RCC2: variants seen among roughly 807,000 people sequenced by gnomAD.
RCC2 encodes the protein protein RCC2.
Under a neutral mutation model 64.1 loss-of-function variants are expected in RCC2, and 19 were observed. The observed-to-expected ratio is 0.30, with a 90% CI of 0.21 to 0.44. The LOEUF is 0.44. RCC2 is among the 20% of genes least tolerant of loss of function. The pLI, the probability that RCC2 is intolerant of heterozygous loss-of-function variation, is 1.00. For synonymous variants in RCC2, 325 were observed against 279.6 expected (o/e 1.16, Z -1.62); for missense variants, 508 against 710.4 (o/e 0.72, Z 3.24).
At chr1:17,412,899 C>T (rs774452132) in intron 10 of RCC2, among the ~76,000 whole-genome samples, 174 bp downstream of exon 10, 38 of 152,200 alleles carry the variant, frequency 2.5e-4, no homozygotes, top group Non-Finnish European at 4.9e-4. Context: ...GCAAATGGGC[C>T]CTCTCCCCTC....
Position 17,439,617 on chromosome 1 carries a change from T to C in RCC2, c.-81A>G, listed in dbSNP as rs1030338591. 2 of 149,746 alleles carry C rather than the reference T, an allele frequency of 1.3e-5. No homozygotes were observed. The highest frequency in any genetic ancestry group is 4.9e-5 in the African/African-American group (2 of 41,122). The allele number at this position is 149,746 out of a possible 1,614,324, so 9.3% of individuals were successfully genotyped here. ...CTAAAAGACGGATCGGAGGGCTTTT[T>C]TTTTTCCGGCCCAGACGAGGGCTCC... On this transcript the variant is annotated 5_prime_UTR_variant, in exon 1 of 13. Transcript: ENST00000375436.
chr1:17,432,503 C>T (rs1266852363), intron 2 of RCC2, among the ~76,000 whole-genome samples: 2 of 152,176 alleles, frequency 1.3e-5, no homozygotes, highest in African/African-American at 2.4e-5. Context: ...ACCAGGCAGG[C>T]GGAGGTTCAT....
intron 7 of RCC2, among the ~76,000 whole-genome samples, chr1:17,418,573 C>T (rs953143647): frequency 7.2e-5 from 11 of 152,208 alleles, no homozygotes; most frequent in African/African-American, 2.6e-4. Context: ...AGGAGAATCG[C>T]TTGAACCCGG....
At chr1:17,431,825 C>A (rs1256848715) in intron 2 of RCC2, among the ~76,000 whole-genome samples, 1 of 151,876 alleles carries the variant, frequency 6.6e-6, no homozygotes, top group Non-Finnish European at 1.5e-5. Context: ...AGGCCAGCCG[C>A]GGTAGCTCAT....
chr1:17,407,621 T>A lies in RCC2; in HGVS notation c.*1469A>T, dbSNP rs1223119478. ...GGCAGGAGTCACGGTAAGGAGCGACTGGGGTGGAAAATAGGGAAAAAAGCA... is the reference window on the plus strand; with the variant it reads ...GGCAGGAGTCACGGTAAGGAGCGACAGGGGTGGAAAATAGGGAAAAAAGCA... On this transcript the variant is annotated 3_prime_UTR_variant, in exon 13 of 13. Coordinates refer to ENST00000375436, the MANE Select transcript of RCC2 (RefSeq NM_018715.4). 6.6e-6 allele frequency: 1 copy of A among 152,596 alleles called. No homozygotes were observed. Among genetic ancestry groups the A allele is most frequent in the Admixed American group, 6.5e-5 (1 of 15,274 alleles). The allele number at this position is 152,596 out of a possible 1,614,324, so 9.5% of individuals were successfully genotyped here.
At chr1:17,430,353 T>C (rs537169671) in intron 2 of RCC2, among the ~76,000 whole-genome samples, 5 of 147,964 alleles carry the variant, frequency 3.4e-5, no homozygotes, top group South Asian at 4.2e-4. Flanking sequence ...CTACAGAAAA[T>C]AGAAAAATGA....
At position 17,439,653 on chromosome 1, in the gene RCC2, C is replaced by G. The variant is rs1222256153; in HGVS notation, c.-117G>C. 6.7e-6 allele frequency: 1 copy of G among 149,660 alleles called. No homozygotes were observed. Among genetic ancestry groups the G allele is most frequent in the Admixed American group, 6.6e-5 (1 of 15,112 alleles). The allele number at this position is 149,660 out of a possible 1,614,324, so 9.3% of individuals were successfully genotyped here. The stretch of plus-strand genomic sequence containing the variant: ...CCAGACGAGGGCTCCAGCCCACTCA[C>G]CAGATACACTTAAAATGTAAATACG... On this transcript the variant is annotated 5_prime_UTR_variant, in exon 1 of 13. Coordinates refer to ENST00000375436, the MANE Select transcript of RCC2 (RefSeq NM_018715.4).
chr1:17,435,704 A>G lies in RCC2; in HGVS notation c.285+2526T>C, dbSNP rs537133545. On this transcript the variant is annotated intron_variant, in intron 2 of 12. Coordinates refer to ENST00000375436, the MANE Select transcript of RCC2 (RefSeq NM_018715.4). ...GGCCAAGGTGGGTGGACCACCTGAG[A>G]TCAGGAGTTCGAGACCAGCCTGGCC... Among the ~76,000 whole-genome samples the G allele has an allele frequency of 7.7e-4, 118 of 152,298 alleles. 1 individual carries two copies. The highest frequency in any genetic ancestry group is 2.7e-3 in the African/African-American group (114 of 41,582).
In RCC2 at chr1:17,419,807, C is replaced by T. The variant is rs888080959; in HGVS notation, c.859+907G>A. On this transcript the variant is annotated intron_variant, in intron 7 of 12. Transcript: ENST00000375436. ...CTGGGCACCGCAGCAGGGCTGTGGCCATGGAAACCGCTCTCCAACTGTCTC... is the reference window on the plus strand; with the variant it reads ...CTGGGCACCGCAGCAGGGCTGTGGCTATGGAAACCGCTCTCCAACTGTCTC... Among the ~76,000 whole-genome samples the T allele has an allele frequency of 2.8e-4, 42 of 152,306 alleles. 1 individual carries two copies. The highest frequency in any genetic ancestry group is 8.2e-4 in the African/African-American group (34 of 41,566).
rs941261614 is a variant in RCC2, at chr1:17,425,584, T to G, written c.480A>C (p.Ala160=). ...CTTCCGTGGTGATGAGGAGGCTGTG[T>G]GCAGCACACGAGCCCGAGACCACTG... ...VRTVVSGSCA[A]HSLLITTEGK... is the part of the protein sequence containing the mutation. The change falls in exon 4 of 13, where the codon GCA becomes GCC. Residue 160 remains alanine, a synonymous_variant. Transcript: ENST00000375436. 6.2e-7 allele frequency: 1 copy of G among 1,613,956 alleles called. No homozygotes were observed. The highest frequency in any genetic ancestry group is 8.5e-7 in the Non-Finnish European group (1 of 1,179,922).
intron 7 of RCC2, among the ~76,000 whole-genome samples, chr1:17,419,660 G>C (rs982630076): frequency 2.6e-5 from 4 of 152,218 alleles, no homozygotes; most frequent in South Asian, 2.1e-4. Context: ...ACTGCTCCAT[G>C]AAAGTGAGCC....
At chr1:17,419,908 G>T (rs534869444) in intron 7 of RCC2, among the ~76,000 whole-genome samples, 45 of 152,346 alleles carry the variant, frequency 3.0e-4, no homozygotes, top group Admixed American at 7.8e-4. Flanking sequence ...CTTCTGACTT[G>T]AAGTATATTT....
At chr1:17,416,285 C>A (rs560665155) in intron 8 of RCC2, among the ~76,000 whole-genome samples, 195 bp downstream of exon 8, 37 of 152,212 alleles carry the variant, frequency 2.4e-4, no homozygotes, top group Admixed American at 6.5e-4. Flanking sequence ...GAGAAGTTAA[C>A]ATAGGAGGCA....
chr1:17,408,151 G>C lies in RCC2; in HGVS notation c.*939C>G, dbSNP rs114031304. 719 of 152,552 alleles carry C rather than the reference G, an allele frequency of 4.7e-3. 4 individuals are homozygous for C. Among genetic ancestry groups the C allele is most frequent in the Non-Finnish European group, 7.1e-3 (484 of 68,238 alleles). 9.4% of individuals were successfully genotyped at this position (152,552 alleles called of 1,614,324 possible). A position where few individuals can be genotyped will look rare whatever the true frequency, so the allele number is the denominator to read the frequency against. On this transcript the variant is annotated 3_prime_UTR_variant, in exon 13 of 13. Coordinates refer to ENST00000375436, the MANE Select transcript of RCC2 (RefSeq NM_018715.4). ...CCCGCGCGAGGCAGGATCCAGGCGG[G>C]GGGGAGAAAAAGAGACCAAAGCACA...
At chr1:17,436,217 T>C (rs566817775) in intron 2 of RCC2, among the ~76,000 whole-genome samples, 12 of 152,288 alleles carry the variant, frequency 7.9e-5, no homozygotes, top group African/African-American at 1.7e-4. Flanking sequence ...CTTACAAACA[T>C]GCAACCCAAC....
rs1434544407 is a variant in RCC2 at position 17,406,836 on chromosome 1, T to TA, written c.*2253dup. ...TATATAAAAAAAATAATAAGACAAT[T>TA]ACAGCACTAAACCAGGCACCTTCGA... On this transcript the variant is annotated 3_prime_UTR_variant, in exon 13 of 13. Coordinates refer to ENST00000375436, the MANE Select transcript of RCC2 (RefSeq NM_018715.4). The TA allele has an allele frequency of 1.3e-4, 20 of 152,200 alleles. No homozygotes were observed. The highest frequency in any genetic ancestry group is 4.8e-4 in the African/African-American group (20 of 41,452). 9.4% of individuals were successfully genotyped at this position (152,200 alleles called of 1,614,324 possible).
intron 3 of RCC2, among the ~76,000 whole-genome samples, chr1:17,427,618 G>GAGTAT: frequency 6.6e-6 from 1 of 152,254 alleles, no homozygotes; most frequent in African/African-American, 2.4e-5. Flanking sequence ...ACCCTGTGCC[G>GAGTAT]CAACACAGGA....
At position 17,409,066 on chromosome 1, in the gene RCC2, G is replaced by C. The variant is rs1364804787; in HGVS notation, c.*24C>G. 2.0e-6 allele frequency: 3 copies of C among 1,484,514 alleles called. No individual in the cohort carries two copies. Among genetic ancestry groups the C allele is most frequent in the Non-Finnish European group, 2.8e-6 (3 of 1,061,760 alleles). The allele number at this position is 1,484,514 out of a possible 1,614,324, so 92.0% of individuals were successfully genotyped here. ...AATGACAGCTGCCGCGAGAGGTGTG[G>C]AGTCGGAGGAGTCTCCGGGAGCATC... On this transcript the variant is annotated 3_prime_UTR_variant, in exon 13 of 13. Transcript: ENST00000375436.
chr1:17,409,885 C>G, intron 12 of RCC2, 89 bp downstream of exon 12: 1 of 1,172,148 alleles, frequency 8.5e-7, no homozygotes, highest in South Asian at 1.2e-5. Flanking sequence ...CAAGACAACC[C>G]AAACAGACTG....
Sources: allele counts gnomAD v4.1 joint callset (sites outside exome capture counted in the v4.1 genomes callset), GRCh38; gene constraint gnomAD v4.1.1; transcripts MANE v1.5; gene names NCBI Gene and HGNC (gene_info 2026-07-23, HGNC 2026-07-21).